MARK3: variants seen among roughly 807,000 people sequenced by gnomAD.
MARK3 encodes microtubule affinity regulating kinase 3, also known as MAP/microtubule affinity-regulating kinase 3.
A neutral mutation model predicts 90.1 loss-of-function variants in MARK3; 46 were observed. That is an observed-to-expected ratio of 0.51 (90% CI 0.40 to 0.65). The LOEUF (loss-of-function observed/expected upper bound fraction) is 0.65. Ranked by LOEUF, MARK3 falls within the 30% of genes least tolerant of loss-of-function variation. The pLI is 0.00. For synonymous variants in MARK3, 321 were observed against 332.6 expected, an observed-to-expected ratio of 0.97 and a Z score of 0.38; for missense variants, 818 against 947.2, an observed-to-expected ratio of 0.86 and a Z score of 1.79.
chr14:103,413,578 G>A (rs988488182), intron 2 of MARK3, among the ~76,000 whole-genome samples: 3 of 150,860 alleles, frequency 2.0e-5, no homozygotes, highest in African/African-American at 4.9e-5. Flanking sequence ...ACACAGTACC[G>A]CACCTGGCTT....
intron 12 of MARK3, among the ~76,000 whole-genome samples, chr14:103,470,059 C>CAA (rs77013768): frequency 3.6e-5 from 4 of 111,290 alleles, no homozygotes; most frequent in African/African-American, 7.9e-5. Flanking sequence ...GAGTCCATCT[C>CAA]AAAAAAAAAA....
chr14:103,433,429 C>T (rs1223517196), intron 3 of MARK3, among the ~76,000 whole-genome samples: 2 of 152,078 alleles, frequency 1.3e-5, no homozygotes, highest in Admixed American at 1.3e-4. Flanking sequence ...CGCAGTGGCA[C>T]ACGCCAATAA....
intron 16 of MARK3, chr14:103,499,304 T>C (rs955153589): frequency 1.3e-5 from 2 of 151,828 alleles, no homozygotes; most frequent in Non-Finnish European, 2.9e-5. Context: ...ACAAATAATA[T>C]AAAAATTAGC....
chr14:103,397,898 C>T (rs866774033), intron 1 of MARK3, among the ~76,000 whole-genome samples: 19 of 152,112 alleles, frequency 1.2e-4, no homozygotes, highest in African/African-American at 1.9e-4. Context: ...TTTATCTACT[C>T]CTGTTAGTCT....
intron 15 of MARK3, among the ~76,000 whole-genome samples, chr14:103,494,493 G>A (rs1247279486): frequency 7.9e-5 from 11 of 139,976 alleles, no homozygotes; most frequent in African/African-American, 1.3e-4. Flanking sequence ...GTGGTGAGCC[G>A]AGGTCACGCC....
chr14:103,403,257 G>C (rs1251138587), intron 1 of MARK3, among the ~76,000 whole-genome samples: 1 of 151,532 alleles, frequency 6.6e-6, no homozygotes, highest in Non-Finnish European at 1.5e-5. Context: ...AAAACCACTT[G>C]ATACATACCT....
At chr14:103,454,152 G>C (rs539237169) in intron 5 of MARK3, among the ~76,000 whole-genome samples, 1 of 152,282 alleles carries the variant, frequency 6.6e-6, no homozygotes, top group South Asian at 2.1e-4. Context: ...GAGCTTCACG[G>C]TGAGCATAGG....
chr14:103,453,756 C>G (rs1387736961), intron 5 of MARK3, among the ~76,000 whole-genome samples: 1 of 152,188 alleles, frequency 6.6e-6, no homozygotes, highest in Non-Finnish European at 1.5e-5. Context: ...TGTACAGCCT[C>G]TACAGTGTAC....
intron 3 of MARK3, among the ~76,000 whole-genome samples, chr14:103,440,063 G>T (rs553760161): frequency 1.3e-5 from 2 of 152,334 alleles, no homozygotes; most frequent in African/African-American, 2.4e-5. Flanking sequence ...GGGATTACAG[G>T]TGTGAACCAC....
chr14:103,436,339 TTG>T (rs979695694), intron 3 of MARK3, among the ~76,000 whole-genome samples: 1 of 152,152 alleles, frequency 6.6e-6, no homozygotes, highest in African/African-American at 2.4e-5. Context: ...CCTTTCTCTA[TTG>T]GGTGAAGCAC....
chr14:103,460,624 G>C (rs1438178953), intron 6 of MARK3, among the ~76,000 whole-genome samples: 1 of 152,210 alleles, frequency 6.6e-6, no homozygotes, highest in African/African-American at 2.4e-5. Context: ...GCTAAAGAGA[G>C]AGAGAAATCC....
At chr14:103,387,499 CTTAT>C (rs1434121291) in intron 1 of MARK3, among the ~76,000 whole-genome samples, 18 of 151,656 alleles carry the variant, frequency 1.2e-4, no homozygotes, top group Non-Finnish European at 2.5e-4. Flanking sequence ...TATTTATTTA[CTTAT>C]TTATTTTTTG....
At chr14:103,402,868 G>A (rs1381338668) in intron 1 of MARK3, among the ~76,000 whole-genome samples, 1 of 152,166 alleles carries the variant, frequency 6.6e-6, no homozygotes, top group African/African-American at 2.4e-5. Context: ...GAGGTGGCAA[G>A]CCCTGATTGG....
In MARK3 at chr14:103,449,412, C is replaced by CAA. The variant is rs34657716; in HGVS notation, c.346+463_346+464dup. Among the ~76,000 whole-genome samples, 669 of 83,812 alleles carry CAA rather than the reference C, an allele frequency of 8.0e-3. 8 individuals are homozygous for CAA. Among genetic ancestry groups the CAA allele is most frequent in the African/African-American group, 0.02 (413 of 21,088 alleles). The allele number at this position is 83,812 out of a possible 152,430, so 55.0% of individuals were successfully genotyped here. On this transcript the variant is annotated intron_variant, in intron 4 of 17. Coordinates refer to ENST00000429436, the MANE Select transcript of MARK3 (RefSeq NM_001128918.3). ...GCAACAGAGCGAGACCCCGTCTCTC[C>CAA]AAAAAAAAAAAAAAAAAAAGTAATA...
intron 3 of MARK3, among the ~76,000 whole-genome samples, chr14:103,428,706 TG>T (rs2092487812): frequency 6.6e-6 from 1 of 152,194 alleles, no homozygotes. Context: ...TGTACGAGGC[TG>T]TACTTTTTAT....
chr14:103,476,579 A>G (rs2093718632), intron 13 of MARK3, among the ~76,000 whole-genome samples: 1 of 152,218 alleles, frequency 6.6e-6, no homozygotes, highest in Non-Finnish European at 1.5e-5. Flanking sequence ...AGTATGTTCT[A>G]TCTAACCTAA....
At chr14:103,445,417 T>A (rs558091253) in intron 3 of MARK3, among the ~76,000 whole-genome samples, 1 of 152,356 alleles carries the variant, frequency 6.6e-6, no homozygotes, top group East Asian at 1.9e-4. Context: ...ATTTGCTGCC[T>A]GCCAGTATCT....
chr14:103,479,703 G>A (rs973913859), intron 13 of MARK3, among the ~76,000 whole-genome samples: 1 of 129,454 alleles, frequency 7.7e-6, no homozygotes, highest in African/African-American at 2.9e-5. Flanking sequence ...TGCGATCTCA[G>A]CTCACCGCAA....
At chr14:103,461,384 G>A (rs770152302) in intron 6 of MARK3, among the ~76,000 whole-genome samples, 13 of 152,214 alleles carry the variant, frequency 8.5e-5, no homozygotes, top group Admixed American at 2.6e-4. Flanking sequence ...TTAAGTGACC[G>A]TAAGTGTGAA....
Sources: allele counts gnomAD v4.1 joint callset (sites outside exome capture counted in the v4.1 genomes callset), GRCh38; gene constraint gnomAD v4.1.1; transcripts MANE v1.5; gene names NCBI Gene and HGNC (gene_info 2026-07-23, HGNC 2026-07-21).